The following ZDHHC23 variants were observed in gnomAD, a reference collection of about 807,000 sequenced individuals.
The protein encoded by ZDHHC23 is zDHHC palmitoyltransferase 23.
A neutral mutation model predicts 40.2 loss-of-function variants in ZDHHC23; 41 were observed. The ratio of observed to expected loss-of-function variants is 1.02; its 90% CI spans 0.79 to 1.32. The LOEUF is 1.32. ZDHHC23 is among the 40% of genes most tolerant of loss of function. The probability of loss-of-function intolerance (pLI) is 0.00; values close to 1 mark genes in which losing one functional copy is unlikely to be tolerated. For synonymous variants in ZDHHC23, 204 were observed against 210.2 expected (o/e 0.97, Z 0.26); for missense variants, 471 against 541.5 (o/e 0.87, Z 1.29).
the ZDHHC23 span, among the ~76,000 whole-genome samples, chr3:113,971,187 G>A: frequency 6.6e-6 from 1 of 152,200 alleles, no homozygotes; most frequent in Non-Finnish European, 1.5e-5. Context: ...CACCAACAGT[G>A]TAAAAGTGTT....
At chr3:113,968,668 C>T (rs550909016), downstream of ZDHHC23, among the ~76,000 whole-genome samples, 3 of 151,768 alleles carry the variant, frequency 2.0e-5, no homozygotes, top group African/African-American at 7.2e-5. Flanking sequence ...CCATGTTGCC[C>T]AGGCTGGTCT....
downstream of ZDHHC23, among the ~76,000 whole-genome samples, chr3:113,968,997 T>C (rs994497785): frequency 3.3e-5 from 5 of 152,150 alleles, no homozygotes; most frequent in African/African-American, 4.8e-5. Context: ...CCAGTCATGA[T>C]GGAAGGGGAG....
In ZDHHC23 at chr3:113,953,697, T is replaced by C. The variant is rs1938900338; in HGVS notation, c.162-3T>C. Reference sequence around the variant, plus strand: ...CCCTCCTCTTTGTGCTTTTTCTGAATAGATGGATTACATGTAAATCTTTAC... The same window carrying C: ...CCCTCCTCTTTGTGCTTTTTCTGAACAGATGGATTACATGTAAATCTTTAC... On this transcript the variant is annotated splice_polypyrimidine_tract_variant and splice_region_variant and intron_variant, in intron 2 of 4. Transcript: ENST00000638807. The C allele has an allele frequency of 1.2e-6, 2 of 1,608,004 alleles. No individual in the cohort carries two copies. Among genetic ancestry groups the C allele is most frequent in the African/African-American group, 1.3e-5 (1 of 74,690 alleles).
At chr3:113,966,175 C>G (rs1940145054), downstream of ZDHHC23, among the ~76,000 whole-genome samples, 1 of 152,124 alleles carries the variant, frequency 6.6e-6, no homozygotes, top group South Asian at 2.1e-4. Context: ...CTGCTGGTAA[C>G]CTGACCTCCA....
At chr3:113,957,555 A>T (rs909556168) in intron 4 of ZDHHC23, 25 of 393,976 alleles carry the variant, frequency 6.3e-5, no homozygotes, top group Admixed American at 2.9e-5. Context: ...CGAGGAATAC[A>T]GTCCTGCCAT....
chr3:113,953,087 T>C (rs1938834992), intron 2 of ZDHHC23, among the ~76,000 whole-genome samples: 1 of 152,244 alleles, frequency 6.6e-6, no homozygotes, highest in Non-Finnish European at 1.5e-5. Flanking sequence ...CATTCTTCTC[T>C]ATGTAGCCCT....
intron 2 of ZDHHC23, among the ~76,000 whole-genome samples, chr3:113,950,328 A>C (rs1476492210): frequency 6.6e-6 from 1 of 152,188 alleles, no homozygotes; most frequent in Non-Finnish European, 1.5e-5. Context: ...AACAATATAC[A>C]TCTATTGCTC....
At position 113,959,528 on chromosome 3, in the gene ZDHHC23, G is replaced by A; in HGVS notation, c.*898G>A. The A allele has an allele frequency of 7.8e-7, 1 of 1,278,392 alleles. No individual in the cohort carries two copies. The allele number at this position is 1,278,392 out of a possible 1,614,324, so 79.2% of individuals were successfully genotyped here. A position where few individuals can be genotyped will look rare whatever the true frequency, so the allele number is the denominator to read the frequency against. The stretch of plus-strand genomic sequence containing the variant: ...CTTCCCATGTTTCACCAGGTAAGGT[G>A]CTAGCACACTTGTGACTGTGGCTGG... On this transcript the variant is annotated 3_prime_UTR_variant, in exon 5 of 5. Transcript: ENST00000638807.
the ZDHHC23 span, among the ~76,000 whole-genome samples, chr3:113,972,143 A>G: frequency 2.0e-5 from 3 of 151,846 alleles, no homozygotes; most frequent in South Asian, 2.1e-4. Flanking sequence ...TTGCTTTTCT[A>G]TATTTCCTTG....
chr3:113,958,288 T>TA, intron 4 of ZDHHC23, 75 bp from the exon 5 acceptor site: 2 of 1,384,294 alleles, frequency 1.4e-6, no homozygotes, highest in Non-Finnish European at 2.0e-6. Context: ...AAAAAATGTG[T>TA]AAAACGTGAG....
At chr3:113,949,036 C>A in intron 2 of ZDHHC23, 73 bp downstream of exon 2, 4 of 1,570,668 alleles carry the variant, frequency 2.5e-6, no homozygotes, top group Non-Finnish European at 3.5e-6. Context: ...TTCAACCTAG[C>A]CACCCAGAAT....
At chr3:113,965,240 T>G, downstream of ZDHHC23, 3 of 1,611,656 alleles carry the variant, frequency 1.9e-6, no homozygotes, top group Non-Finnish European at 1.7e-6. Context: ...TACCTGGAAG[T>G]CTGGAAGAAT....
At chr3:113,975,276 C>T in the ZDHHC23 span, among the ~76,000 whole-genome samples, 1 of 152,154 alleles carries the variant, frequency 6.6e-6, no homozygotes, top group South Asian at 2.1e-4. Context: ...TATTGAGAAT[C>T]ATCTTTCTCG....
At chr3:113,948,585 T>C (rs907920203) in intron 1 of ZDHHC23, 101 bp from the exon 2 acceptor site, 4 of 532,112 alleles carry the variant, frequency 7.5e-6, no homozygotes, top group Non-Finnish European at 1.0e-5. Flanking sequence ...AGCTCAGACC[T>C]CCAAGAACCC....
At chr3:113,952,903 T>C (rs765815722) in intron 2 of ZDHHC23, among the ~76,000 whole-genome samples, 2 of 152,146 alleles carry the variant, frequency 1.3e-5, no homozygotes, top group Non-Finnish European at 2.9e-5. Context: ...CATGACCTAA[T>C]ACCCTCCTAG....
intron 2 of ZDHHC23, among the ~76,000 whole-genome samples, chr3:113,950,955 C>T (rs1353827151): frequency 6.6e-6 from 1 of 152,214 alleles, no homozygotes; most frequent in African/African-American, 2.4e-5. Context: ...CAATGTTAAG[C>T]CTTAATAAGG....
chr3:113,960,098 T>C lies in ZDHHC23; in HGVS notation c.*1468T>C. On this transcript the variant is annotated 3_prime_UTR_variant, in exon 5 of 5. Transcript: ENST00000638807. Reference sequence around the variant, plus strand: ...GGCTTATAGCTTAATATAGGGAAAATATTGCCAGCGTTTTCAGTCATTCTG... The same window carrying C: ...GGCTTATAGCTTAATATAGGGAAAACATTGCCAGCGTTTTCAGTCATTCTG... 1.0e-6 allele frequency: 1 copy of C among 989,210 alleles called. No homozygotes were observed. Among genetic ancestry groups the C allele is most frequent in the Non-Finnish European group, 1.2e-6 (1 of 832,140 alleles). The allele number at this position is 989,210 out of a possible 1,614,324, so 61.3% of individuals were successfully genotyped here.
chr3:113,964,850 CTCAG>C (rs1484586665), downstream of ZDHHC23: 1 of 181,706 alleles, frequency 5.5e-6, no homozygotes, highest in Non-Finnish European at 1.1e-5. Flanking sequence ...TCTTCACAGG[CTCAG>C]TCAGGCAAAC....
chr3:113,976,417 A>G, the ZDHHC23 span, among the ~76,000 whole-genome samples: 1 of 152,092 alleles, frequency 6.6e-6, no homozygotes, highest in South Asian at 2.1e-4. Context: ...TTATCTTTAT[A>G]CCTTGACAAT....
Sources: allele counts gnomAD v4.1 joint callset (sites outside exome capture counted in the v4.1 genomes callset), GRCh38; gene constraint gnomAD v4.1.1; transcripts MANE v1.5; gene names NCBI Gene and HGNC (gene_info 2026-07-23, HGNC 2026-07-21).